GALNT13: variants seen among roughly 807,000 people sequenced by gnomAD.
The protein encoded by GALNT13 is UDP-GalNAc:polypeptide N-acetylgalactosaminyltransferase 13.
A neutral mutation model predicts 64.2 loss-of-function variants in GALNT13; 28 were observed. That is an observed-to-expected ratio of 0.44 (90% CI 0.32 to 0.60). GALNT13 has a LOEUF of 0.60. Among genes scored for constraint, GALNT13 ranks in the 20% least tolerant of loss-of-function variants. The probability of loss-of-function intolerance (pLI) is 0.05; values close to 1 mark genes in which losing one functional copy is unlikely to be tolerated. For synonymous variants in GALNT13, 214 were observed against 224.6 expected, an observed-to-expected ratio of 0.95 and a Z score of 0.42; for missense variants, 577 against 669.8, an observed-to-expected ratio of 0.86 and a Z score of 1.53.
rs556317021 is a variant in GALNT13 at position 154,216,996 on chromosome 2, T to C, written c.312-25034T>C. On this transcript the variant is annotated intron_variant, in intron 4 of 12. Transcript: ENST00000392825. ...TTTTTAGAGATGGGGTCTTGCTGTGTTGCCCAGGCTTGTCTCAAACCTTTG... is the reference window on the plus strand; with the variant it reads ...TTTTTAGAGATGGGGTCTTGCTGTGCTGCCCAGGCTTGTCTCAAACCTTTG... Among the ~76,000 whole-genome samples, 19 of 151,604 alleles carry C rather than the reference T, an allele frequency of 1.3e-4. No homozygotes were observed. In the South Asian group the frequency reaches 3.8e-3, roughly 30 times the overall value.
chr2:153,076,725 T>A, the GALNT13 span, among the ~76,000 whole-genome samples: 6 of 152,224 alleles, frequency 3.9e-5, no homozygotes, highest in Non-Finnish European at 7.4e-5. Context: ...CTACTTCTCA[T>A]TATACTCTAA....
At chr2:153,258,867 C>T in the GALNT13 span, among the ~76,000 whole-genome samples, 2 of 152,154 alleles carry the variant, frequency 1.3e-5, no homozygotes, top group South Asian at 2.1e-4. Context: ...TGTTGCCTAA[C>T]ATATGGTCTA....
the GALNT13 span, among the ~76,000 whole-genome samples, chr2:153,136,001 G>A: frequency 1.3e-5 from 2 of 152,248 alleles, no homozygotes; most frequent in Non-Finnish European, 2.9e-5. Flanking sequence ...TGGTCAATGA[G>A]TTCTATACAG....
At chr2:153,160,912 A>T in the GALNT13 span, among the ~76,000 whole-genome samples, 1 of 152,172 alleles carries the variant, frequency 6.6e-6, no homozygotes, top group Non-Finnish European at 1.5e-5. Context: ...TTTAAGGAGA[A>T]ATGGAAAATG....
chr2:154,157,927 T>C (rs1027549479), intron 4 of GALNT13, among the ~76,000 whole-genome samples: 21 of 152,184 alleles, frequency 1.4e-4, no homozygotes, highest in African/African-American at 4.8e-4. Context: ...TCTCCTACTT[T>C]TCTGGTGATT....
At chr2:154,279,007 G>T (rs62171255) in intron 8 of GALNT13, among the ~76,000 whole-genome samples, 1 of 151,740 alleles carries the variant, frequency 6.6e-6, no homozygotes, top group Non-Finnish European at 1.5e-5. Flanking sequence ...TTAAATATGC[G>T]GTGATATCTA....
chr2:153,534,350 T>G, the GALNT13 span, among the ~76,000 whole-genome samples: 41 of 148,826 alleles, frequency 2.8e-4, no homozygotes, highest in African/African-American at 9.6e-4. Flanking sequence ...TAGGTCTCAG[T>G]TTTTTTTCAT....
chr2:153,373,718 C>A, the GALNT13 span, among the ~76,000 whole-genome samples: 3 of 152,152 alleles, frequency 2.0e-5, no homozygotes, highest in Non-Finnish European at 4.4e-5. Context: ...AACTGCATAA[C>A]CATTAAAGAA....
chr2:153,482,151 C>G, the GALNT13 span, among the ~76,000 whole-genome samples: 2 of 152,158 alleles, frequency 1.3e-5, no homozygotes, highest in Non-Finnish European at 2.9e-5. Context: ...TTTCTCAGAA[C>G]CTACGACTTT....
At chr2:154,221,556 T>G (rs1364548654) in intron 4 of GALNT13, among the ~76,000 whole-genome samples, 1 of 152,194 alleles carries the variant, frequency 6.6e-6, no homozygotes, top group African/African-American at 2.4e-5. Flanking sequence ...ATCTTGAATT[T>G]GTAATAATTT....
chr2:153,136,065 C>G, the GALNT13 span, among the ~76,000 whole-genome samples: 1 of 152,008 alleles, frequency 6.6e-6, no homozygotes, highest in Non-Finnish European at 1.5e-5. Context: ...TTATTGAAAG[C>G]TGAATTTACA....
rs377153732 is a variant in GALNT13, at chr2:154,159,412, G to A, written c.311+18907G>A. Among the ~76,000 whole-genome samples, 8 of 152,250 alleles carry A rather than the reference G, an allele frequency of 5.3e-5. No homozygotes were observed. The East Asian group carries it at 1.4e-3, about 26-fold the overall frequency. On this transcript the variant is annotated intron_variant, in intron 4 of 12. Coordinates refer to ENST00000392825, the MANE Select transcript of GALNT13 (RefSeq NM_052917.4). ...AGCCTCCTAAAGTGCTGGGATTACA[G>A]GCATGAGACACCGTGCCTGGCCAAT... is the stretch of plus-strand genomic sequence containing the variant.
chr2:153,896,673 T>C (rs1391842531), intron 1 of GALNT13, among the ~76,000 whole-genome samples: 3 of 152,076 alleles, frequency 2.0e-5, no homozygotes, highest in African/African-American at 7.2e-5. Context: ...GTACAGATTA[T>C]ATTGTCACCC....
the GALNT13 span, among the ~76,000 whole-genome samples, chr2:153,608,777 TATAA>T: frequency 6.8e-6 from 1 of 147,820 alleles, no homozygotes; most frequent in East Asian, 1.9e-4. Context: ...ATATCTGATA[TATAA>T]ACTATGAATT....
chr2:153,087,656 T>C, the GALNT13 span, among the ~76,000 whole-genome samples: 1 of 152,082 alleles, frequency 6.6e-6, no homozygotes. Context: ...CAATTCATCC[T>C]CTATCTGTTC....
intron 4 of GALNT13, among the ~76,000 whole-genome samples, chr2:154,223,879 A>G (rs1424082347): frequency 6.6e-6 from 1 of 152,146 alleles, no homozygotes; most frequent in Non-Finnish European, 1.5e-5. Context: ...TAGCAATTAC[A>G]ACTGAAGCTC....
the GALNT13 span, among the ~76,000 whole-genome samples, chr2:153,819,866 C>T: frequency 6.6e-6 from 1 of 152,182 alleles, no homozygotes; most frequent in African/African-American, 2.4e-5. Context: ...AATGTTGCAA[C>T]ACCACCAAAG....
At chr2:153,604,152 C>T in the GALNT13 span, among the ~76,000 whole-genome samples, 2 of 152,026 alleles carry the variant, frequency 1.3e-5, no homozygotes, top group African/African-American at 2.4e-5. Flanking sequence ...CCTTTTCTTC[C>T]ACCATAGTCT....
the GALNT13 span, among the ~76,000 whole-genome samples, chr2:153,384,059 T>C: frequency 6.6e-6 from 1 of 152,028 alleles, no homozygotes; most frequent in Non-Finnish European, 1.5e-5. Flanking sequence ...AAAAACCCAT[T>C]TTCTATTCTT....
Sources: allele counts gnomAD v4.1 joint callset (sites outside exome capture counted in the v4.1 genomes callset), GRCh38; gene constraint gnomAD v4.1.1; transcripts MANE v1.5; gene names NCBI Gene and HGNC (gene_info 2026-07-23, HGNC 2026-07-21).